DNAJC1: variants seen among roughly 807,000 people sequenced by gnomAD.
The protein encoded by DNAJC1 is dnaJ homolog subfamily C member 1.
Under a neutral mutation model 76.6 loss-of-function variants are expected in DNAJC1, and 58 were observed. That is an observed-to-expected ratio of 0.76 (90% CI 0.61 to 0.94). The LOEUF is 0.94. Among genes scored for constraint, DNAJC1 ranks in the 40% least tolerant of loss-of-function variants. The pLI, the probability that DNAJC1 is intolerant of heterozygous loss-of-function variation, is 0.00. For synonymous variants in DNAJC1, 258 were observed against 267.9 expected, an observed-to-expected ratio of 0.96 and a Z score of 0.36; for missense variants, 689 against 677.3, an observed-to-expected ratio of 1.02 and a Z score of -0.19.
intron 9 of DNAJC1, among the ~76,000 whole-genome samples, chr10:21,787,672 C>T (rs1465047827): frequency 2.0e-5 from 3 of 152,226 alleles, no homozygotes; most frequent in African/African-American, 7.2e-5. Flanking sequence ...CTCCATCCCC[C>T]AGCCAGGATC....
At chr10:21,783,663 T>C (rs961826003) in intron 9 of DNAJC1, among the ~76,000 whole-genome samples, 7 of 152,184 alleles carry the variant, frequency 4.6e-5, no homozygotes, top group Non-Finnish European at 8.8e-5. Flanking sequence ...ACTACAAGGC[T>C]ACAGTAACCA....
At chr10:21,953,821 TAAAAAAAAA>T (rs779370823) in intron 1 of DNAJC1, among the ~76,000 whole-genome samples, 1 of 84,950 alleles carries the variant, frequency 1.2e-5, no homozygotes, top group Admixed American at 1.4e-4. Flanking sequence ...AACTGAACTT[TAAAAAAAAA>T]AAAAAAAAAA....
At chr10:21,815,322 G>C (rs1290095222) in intron 8 of DNAJC1, among the ~76,000 whole-genome samples, 1 of 152,192 alleles carries the variant, frequency 6.6e-6, no homozygotes, top group Non-Finnish European at 1.5e-5. Context: ...TCTGCCGGGG[G>C]TTGTTCTTGA....
chr10:21,950,491 G>C (rs1245571233), intron 1 of DNAJC1, among the ~76,000 whole-genome samples: 1 of 151,860 alleles, frequency 6.6e-6, no homozygotes, highest in Admixed American at 6.6e-5. Flanking sequence ...CAACAATATT[G>C]AAATTAGGCC....
Position 21,920,943 on chromosome 10 carries a change from T to C in DNAJC1, c.392A>G (p.Asn131Ser), listed in dbSNP as rs779804576. The C allele has an allele frequency of 1.5e-5, 24 of 1,610,882 alleles. No individual in the cohort carries two copies. Among genetic ancestry groups the C allele is most frequent in the Non-Finnish European group, 1.8e-5 (21 of 1,178,280 alleles). ...RRQRYDDILI[N>S]GLPDWRQPVF... ...AGGCTGTCGCCAATCTGGAAGTCCA[T>C]TGATCAGAATATCATCATACCTACA... Residue 131 changes from asparagine to serine, a missense_variant, in exon 4 of 12, where the codon AAT (asparagine) becomes AGT (serine). Transcript: ENST00000376980.
chr10:21,919,305 A>G (rs1837001961), intron 5 of DNAJC1, among the ~76,000 whole-genome samples: 1 of 152,008 alleles, frequency 6.6e-6, no homozygotes, highest in Non-Finnish European at 1.5e-5. Context: ...ATACATAAAA[A>G]TTAATGTCAT....
chr10:21,961,390 T>C (rs1837788163), intron 1 of DNAJC1, among the ~76,000 whole-genome samples: 1 of 152,184 alleles, frequency 6.6e-6, no homozygotes, highest in African/African-American at 2.4e-5. Flanking sequence ...ATGATTTATC[T>C]ATAAAAAGGA....
At chr10:21,782,519 G>A (rs949800742) in intron 9 of DNAJC1, among the ~76,000 whole-genome samples, 1 of 152,094 alleles carries the variant, frequency 6.6e-6, no homozygotes, top group African/African-American at 2.4e-5. Context: ...CCAATCAACA[G>A]AAAAAGAGGG....
chr10:21,973,737 T>TAA (rs539576521), intron 1 of DNAJC1, among the ~76,000 whole-genome samples: 3 of 81,140 alleles, frequency 3.7e-5, no homozygotes, highest in African/African-American at 1.0e-4. Flanking sequence ...GCTCACTACT[T>TAA]AAAAAAAAAA....
chr10:21,837,212 G>C (rs1054364955), intron 8 of DNAJC1, among the ~76,000 whole-genome samples: 106 of 152,346 alleles, frequency 7.0e-4, no homozygotes, highest in Non-Finnish European at 1.2e-3. Context: ...TTCACTCAGT[G>C]CTCAATGTTG....
rs747139160 is a variant in DNAJC1 at position 22,003,246 on chromosome 10, C to T, written c.189G>A (p.Gln63=). Residue 63 remains glutamine (Q), a synonymous_variant, in exon 1 of 12, where the codon CAG becomes CAA. Coordinates refer to ENST00000376980, the MANE Select transcript of DNAJC1 (RefSeq NM_022365.4). ...CCCCGAGGAACTGGTAGAAGTTGAG[C>T]TGCACCTCCTCCACTAAGTCAAACA... ...LELFDLVEEV[Q]LNFYQFLGVQ... 1.0e-5 allele frequency: 16 copies of T among 1,570,356 alleles called. No individual in the cohort carries two copies. Among genetic ancestry groups the T allele is most frequent in the Admixed American group, 1.8e-5 (1 of 55,318 alleles).
intron 1 of DNAJC1, among the ~76,000 whole-genome samples, chr10:21,965,765 T>A (rs2131822854): frequency 6.6e-6 from 1 of 152,316 alleles, no homozygotes; most frequent in South Asian, 2.1e-4. Flanking sequence ...GTGGACGCGT[T>A]CCTCCTATTT....
At chr10:21,883,520 T>C (rs967816995) in intron 7 of DNAJC1, among the ~76,000 whole-genome samples, 3 of 152,188 alleles carry the variant, frequency 2.0e-5, no homozygotes, top group Non-Finnish European at 2.9e-5. Context: ...TGTTGACTTA[T>C]TATGGGATTA....
At chr10:21,789,334 C>G (rs1311120321) in intron 9 of DNAJC1, among the ~76,000 whole-genome samples, 1 of 152,200 alleles carries the variant, frequency 6.6e-6, no homozygotes, top group African/African-American at 2.4e-5. Flanking sequence ...AGTTACCATC[C>G]ACTTCCCAAC....
intron 10 of DNAJC1, among the ~76,000 whole-genome samples, chr10:21,762,032 C>G (rs984984536): frequency 6.6e-6 from 1 of 152,136 alleles, no homozygotes; most frequent in Non-Finnish European, 1.5e-5. Flanking sequence ...CTCAGCCTCT[C>G]GAGTAGCTGG....
intron 8 of DNAJC1, among the ~76,000 whole-genome samples, chr10:21,860,550 C>T (rs886668359): frequency 6.6e-6 from 1 of 151,930 alleles, no homozygotes; most frequent in Non-Finnish European, 1.5e-5. Context: ...GAAAATTAGC[C>T]AGGCATGGTG....
Position 21,929,137 on chromosome 10 carries a change from G to A in DNAJC1, c.227C>T (p.Ala76Val), listed in dbSNP as rs201944560. 75 of 1,606,374 alleles carry A rather than the reference G, an allele frequency of 4.7e-5. No homozygotes were observed. The highest frequency in any genetic ancestry group is 6.0e-5 in the Non-Finnish European group (71 of 1,175,714). Residue 76 changes from alanine (A) to valine (V), a missense_variant, in exon 2 of 12, where the codon GCA becomes GTA. By Grantham distance (64) the Ala-to-Val change is moderately conservative (BLOSUM62 0). Coordinates refer to ENST00000376980, the MANE Select transcript of DNAJC1 (RefSeq NM_022365.4). ...FYQFLGVQQD[A>V]SSADIRKAYR... is the part of the protein sequence containing the mutation. The stretch of plus-strand genomic sequence containing the variant: ...TGCTTTTCTGATGTCTGCAGATGAT[G>A]CATCCTGGAGGTGGTAGGGGGAGGG...
intron 3 of DNAJC1, among the ~76,000 whole-genome samples, chr10:21,924,801 T>C (rs1837096713): frequency 6.6e-6 from 1 of 152,222 alleles, no homozygotes; most frequent in South Asian, 2.1e-4. Context: ...ACCTATGTTG[T>C]ATAGCTTCTA....
At chr10:21,834,319 G>A (rs991015771) in intron 8 of DNAJC1, among the ~76,000 whole-genome samples, 1 of 152,118 alleles carries the variant, frequency 6.6e-6, no homozygotes, top group African/African-American at 2.4e-5. Context: ...TTGTTTAAAA[G>A]ACCTAATGTG....
Sources: gnomAD v4.1 joint callset for allele counts (sites outside exome capture counted in the v4.1 genomes callset) on GRCh38, gnomAD v4.1.1 for gene constraint, MANE v1.5 for transcripts, NCBI Gene and HGNC (gene_info 2026-07-23, HGNC 2026-07-21) for gene names.